Variants in MAP3K13 observed in about 807,000 individuals in gnomAD.
MAP3K13 encodes mitogen-activated protein kinase kinase kinase 13, also known as leucine zipper-bearing kinase.
MAP3K13 carries 52 observed loss-of-function variants against 104.0 expected under a neutral mutation model. The ratio of observed to expected loss-of-function variants is 0.50; its 90% CI spans 0.40 to 0.63. The LOEUF (loss-of-function observed/expected upper bound fraction) is 0.63. MAP3K13 is among the 20% of genes least tolerant of loss of function. The pLI, the probability that MAP3K13 is intolerant of heterozygous loss-of-function variation, is 0.00. For synonymous variants in MAP3K13, 394 were observed against 442.2 expected, an observed-to-expected ratio of 0.89 and a Z score of 1.37; for missense variants, 914 against 1,218.5, an observed-to-expected ratio of 0.75 and a Z score of 3.72.
chr3:185,418,423 T>C lies in MAP3K13; in HGVS notation c.-85-10074T>C. 2 of 1,608,600 alleles carry C rather than the reference T, an allele frequency of 1.2e-6. No individual in the cohort carries two copies. Among genetic ancestry groups the C allele is most frequent in the Non-Finnish European group, 1.7e-6 (2 of 1,176,720 alleles). On this transcript the variant is annotated intron_variant, in intron 1 of 13. Coordinates refer to ENST00000265026, the MANE Select transcript of MAP3K13 (RefSeq NM_004721.5). This position sits in a 1 kb window ranked among gnomAD's most constrained non-coding sequence, Gnocchi z 4.5. ...GGCAGAACAGATGGCATATCGTTTT[T>C]GGGTTGTGTTCACTCTACGATGCCA...
At position 185,285,574 on chromosome 3, in the gene MAP3K13, C is replaced by T. The variant is rs1174923071; in HGVS notation, c.-155C>T. 5.3e-6 allele frequency: 8 copies of T among 1,522,908 alleles called. No individual in the cohort carries two copies. In the Admixed American group the frequency reaches 5.9e-5, roughly 11 times the overall value. The allele number at this position is 1,522,908 out of a possible 1,614,324, so 94.3% of individuals were successfully genotyped here. ...AATGGACTTCATTTAAAGAAACCCACGGACCATTAATGGACAAAAACATGA... is the reference window on the plus strand; with the variant it reads ...AATGGACTTCATTTAAAGAAACCCATGGACCATTAATGGACAAAAACATGA... On this transcript the variant is annotated 5_prime_UTR_variant, in exon 2 of 15. Transcript: ENST00000424227.
Position 185,363,256 on chromosome 3 carries a change from G to A in MAP3K13, c.-198G>A, listed in dbSNP as rs1033262737. The A allele has an allele frequency of 2.0e-6, 2 of 985,114 alleles. No homozygotes were observed. The highest frequency in any genetic ancestry group is 3.5e-5 in the African/African-American group (2 of 57,148). 61.0% of individuals were successfully genotyped at this position (985,114 alleles called of 1,614,324 possible). A position where few individuals can be genotyped will look rare whatever the true frequency, so the allele number is the denominator to read the frequency against. ...TTTGCGGTGGGCTGGAGGATTGTGT[G>A]GGTGGAATCCCCCTCCCCTTTATTT... On this transcript the variant is annotated 5_prime_UTR_variant, in exon 1 of 14. Transcript: ENST00000265026.
intron 1 of MAP3K13, among the ~76,000 whole-genome samples, chr3:185,375,880 G>A (rs1241174776): frequency 2.0e-5 from 3 of 152,178 alleles, no homozygotes; most frequent in Non-Finnish European, 4.4e-5. Context: ...GGTGCAGGAT[G>A]TGAAAGGCAT....
chr3:185,389,100 A>G (rs1021008104), intron 1 of MAP3K13, among the ~76,000 whole-genome samples: 1 of 152,180 alleles, frequency 6.6e-6, no homozygotes, highest in African/African-American at 2.4e-5. Context: ...CTAATTGACA[A>G]TATGAACATC....
At position 185,315,927 on chromosome 3, in the gene MAP3K13, A is replaced by G. The variant is rs1301492657; in HGVS notation, c.-86+30284A>G. The stretch of plus-strand genomic sequence containing the variant: ...AATAGGAGATATTAATTTATGAGTC[A>G]TTAAGGTATAGAAGATCAATTAGAG... On this transcript the variant is annotated intron_variant, in intron 2 of 14. Coordinates refer to the MAP3K13 transcript ENST00000424227. The surrounding 1 kb of genome is among the most constrained non-coding windows in gnomAD (Gnocchi z 4.3). Among the ~76,000 whole-genome samples, 3 of 152,202 alleles carry G rather than the reference A, an allele frequency of 2.0e-5. No individual in the cohort carries two copies. The highest frequency in any genetic ancestry group is 6.5e-5 in the Admixed American group (1 of 15,276).
At chr3:185,439,022 A>T (rs895127136) in intron 3 of MAP3K13, among the ~76,000 whole-genome samples, 2 of 152,196 alleles carry the variant, frequency 1.3e-5, no homozygotes, top group African/African-American at 4.8e-5. Context: ...TATAAAGCTA[A>T]AAATGTCATG....
chr3:185,385,974 G>T (rs765952807), intron 1 of MAP3K13, among the ~76,000 whole-genome samples: 2 of 151,062 alleles, frequency 1.3e-5, no homozygotes, highest in Non-Finnish European at 2.9e-5. Context: ...CTGCATTCCA[G>T]CCTGGGTGAC....
chr3:185,456,963 T>A (rs1716791906), intron 7 of MAP3K13, among the ~76,000 whole-genome samples: 1 of 152,140 alleles, frequency 6.6e-6, no homozygotes, highest in Non-Finnish European at 1.5e-5. Context: ...TTTCTGATGA[T>A]GGTATTAAGT....
At chr3:185,415,399 C>T (rs1038964069) in intron 1 of MAP3K13, among the ~76,000 whole-genome samples, 1 of 151,930 alleles carries the variant, frequency 6.6e-6, no homozygotes, top group African/African-American at 2.4e-5. Context: ...CTCAAGTGAT[C>T]TACCTGCTTC....
In MAP3K13 at chr3:185,363,369, G is replaced by T. The variant is rs1472411744; in HGVS notation, c.-86+1G>T. On this transcript the variant is annotated splice_donor_variant, in intron 1 of 13. Coordinates refer to ENST00000265026, the MANE Select transcript of MAP3K13 (RefSeq NM_004721.5). LOFTEE classifies it low-confidence loss of function (5UTR_SPLICE). ...GCATGTGTAGGAATTCTTCGTTGTT[G>T]TGAGTATTGCACTCTGTTTTTCCTG... 1 of 983,004 alleles carries T rather than the reference G, an allele frequency of 1.0e-6. No individual in the cohort carries two copies. The allele number at this position is 983,004 out of a possible 1,614,324, so 60.9% of individuals were successfully genotyped here.
At chr3:185,330,239 AAG>A (rs1722213510) in intron 2 of MAP3K13, among the ~76,000 whole-genome samples, 1 of 151,834 alleles carries the variant, frequency 6.6e-6, no homozygotes, top group Non-Finnish European at 1.5e-5. Context: ...GAGTGCTCAG[AAG>A]AGAGATTATT....
chr3:185,379,910 G>T (rs529978269), intron 1 of MAP3K13, among the ~76,000 whole-genome samples: 28 of 152,306 alleles, frequency 1.8e-4, no homozygotes, highest in African/African-American at 6.7e-4. Flanking sequence ...TCTTGGCCGG[G>T]TGCAGTGGCT....
intron 10 of MAP3K13, among the ~76,000 whole-genome samples, chr3:185,467,781 C>CA (rs1170149474): frequency 0.057 from 3,284 of 57,826 alleles, 113 homozygotes; most frequent in African/African-American, 0.15. Context: ...GACTCTGTCT[C>CA]AAAAAAAAAA....
intron 1 of MAP3K13, among the ~76,000 whole-genome samples, chr3:185,407,960 T>C (rs1260605549): frequency 6.7e-6 from 1 of 148,860 alleles, no homozygotes; most frequent in Non-Finnish European, 1.5e-5. Flanking sequence ...CACTGTAGCC[T>C]TGAACTCCTG....
intron 2 of MAP3K13, among the ~76,000 whole-genome samples, chr3:185,302,820 TTTTA>T (rs1370959802): frequency 6.6e-6 from 1 of 152,182 alleles, no homozygotes; most frequent in Non-Finnish European, 1.5e-5. Flanking sequence ...TTTACATGCC[TTTTA>T]TTTCTTTTTC....
chr3:185,397,008 C>T (rs527608899), intron 1 of MAP3K13, among the ~76,000 whole-genome samples: 1 of 150,796 alleles, frequency 6.6e-6, no homozygotes, highest in South Asian at 2.1e-4. Context: ...GATGACATTT[C>T]ATCCCCTGCT....
At chr3:185,454,639 G>T (rs866864530) in intron 7 of MAP3K13, among the ~76,000 whole-genome samples, 473 of 11,182 alleles carry the variant, frequency 0.042, 49 homozygotes, top group Middle Eastern at 0.25. Context: ...ATATATATGA[G>T]ATATATATAT....
chr3:185,284,247 ATCTT>A lies in MAP3K13; in HGVS notation c.-205+1221_-205+1224del, dbSNP rs200361843. Among the ~76,000 whole-genome samples, 688 of 152,296 alleles carry A rather than the reference ATCTT, an allele frequency of 4.5e-3. 6 individuals are homozygous for A. The highest frequency in any genetic ancestry group is 0.016 in the African/African-American group (648 of 41,574). ...AAAAATATGTTATAATTGAGAATAT[ATCTT>A]ATATTTTCCATTATAAAAATGAAAA... On this transcript the variant is annotated intron_variant, in intron 1 of 14. Coordinates refer to the MAP3K13 transcript ENST00000424227.
intron 1 of MAP3K13, among the ~76,000 whole-genome samples, chr3:185,408,462 C>T (rs9862001): frequency 0.011 from 1,642 of 152,112 alleles, 40 homozygotes; most frequent in African/African-American, 0.037. Context: ...ATCCCAGCTA[C>T]TCAGGAGGCT....
Sources: gnomAD v4.1 joint callset for allele counts (sites outside exome capture counted in the v4.1 genomes callset) on GRCh38, gnomAD v4.1.1 for gene constraint, Gnocchi (gnomAD v3.1) non-coding constraint, MANE v1.5 for transcripts, NCBI Gene and HGNC (gene_info 2026-07-23, HGNC 2026-07-21) for gene names.